The following NALCN variants were observed in gnomAD, a reference collection of about 807,000 sequenced individuals.
The protein encoded by NALCN is sodium leak channel, non-selective.
Under a neutral mutation model 225.3 loss-of-function variants are expected in NALCN, and 111 were observed. The observed-to-expected ratio is 0.49, with a 90% CI of 0.42 to 0.58. The LOEUF (loss-of-function observed/expected upper bound fraction) is 0.58, where lower values mean the gene tolerates loss of function less well. Among genes scored for constraint, NALCN ranks in the 20% least tolerant of loss-of-function variants. NALCN has a pLI of 0.00. For missense variants in NALCN, 1,378 were observed against 2,202.4 expected (o/e 0.63, Z 7.49); for synonymous variants, 764 against 769.0 (o/e 0.99, Z 0.11).
chr13:101,141,460 G>A (rs2037073725), intron 17 of NALCN, among the ~76,000 whole-genome samples: 1 of 152,134 alleles, frequency 6.6e-6, no homozygotes, highest in Non-Finnish European at 1.5e-5. Flanking sequence ...CTAGATGGCT[G>A]AAGGAAAATC....
At position 101,101,281 on chromosome 13, in the gene NALCN, C is replaced by CTTTTTTTTTT. The variant is rs60948311; in HGVS notation, c.3058-403_3058-394dup. 2.4e-4 allele frequency among the ~76,000 whole-genome samples: 27 copies of CTTTTTTTTTT among 112,366 alleles called. 1 individual carries two copies. The highest frequency in any genetic ancestry group is 2.9e-4 in the Non-Finnish European group (17 of 58,926). The allele number at this position is 112,366 out of a possible 152,430, so 73.7% of individuals were successfully genotyped here. ...GACATATATATATTTATTTTTTTTT[C>CTTTTTTTTTT]TTTTTTTTTTTTTTTTTGAGATGGA... On this transcript the variant is annotated intron_variant, in intron 26 of 43. Transcript: ENST00000251127.
At chr13:101,416,787 C>G (rs1043408682), upstream of NALCN, among the ~76,000 whole-genome samples, 2 of 151,048 alleles carry the variant, frequency 1.3e-5, no homozygotes, top group Non-Finnish European at 3.0e-5. Context: ...CTTTCGTACT[C>G]AACAGCACGG....
chr13:101,262,468 A>G (rs1311781504), intron 10 of NALCN, among the ~76,000 whole-genome samples: 3 of 152,108 alleles, frequency 2.0e-5, no homozygotes, highest in Non-Finnish European at 4.4e-5. Flanking sequence ...AGCACAAACA[A>G]CACACCACTG....
Position 101,413,400 on chromosome 13 carries a change from T to C in NALCN, c.-40+2913A>G, listed in dbSNP as rs1257644784. ...TACATTATAACTATCAGGACACTGT[T>C]TATAATGATGAAAAACTGGAAACAG... On this transcript the variant is annotated intron_variant, in intron 1 of 43. Transcript: ENST00000251127. Among the ~76,000 whole-genome samples, 12 of 152,206 alleles carry C rather than the reference T, an allele frequency of 7.9e-5. No homozygotes were observed. The Middle Eastern group carries it at 0.024, about 302-fold the overall frequency.
intron 17 of NALCN, among the ~76,000 whole-genome samples, chr13:101,138,210 A>T (rs2036899718): frequency 6.6e-6 from 1 of 152,208 alleles, no homozygotes; most frequent in South Asian, 2.1e-4. Flanking sequence ...CATCTTGCTC[A>T]CTGTTGAATT....
chr13:101,176,273 A>T (rs747462529), intron 15 of NALCN, 27 bp downstream of exon 15: 61 of 1,465,924 alleles, frequency 4.2e-5, no homozygotes, highest in Middle Eastern at 3.6e-4. Flanking sequence ...TGTCCTTTTT[A>T]AAAAAAATCC....
chr13:101,307,743 T>C (rs1277524375), intron 7 of NALCN, among the ~76,000 whole-genome samples: 1 of 152,146 alleles, frequency 6.6e-6, no homozygotes, highest in East Asian at 1.9e-4. Context: ...CTTCTGTGCT[T>C]TTGCTTGGGT....
intron 7 of NALCN, among the ~76,000 whole-genome samples, chr13:101,322,499 T>C (rs1456430456): frequency 2.6e-5 from 4 of 152,198 alleles, no homozygotes; most frequent in Non-Finnish European, 4.4e-5. Flanking sequence ...AATTCAATAT[T>C]TTTAAACAGA....
intron 36 of NALCN, among the ~76,000 whole-genome samples, chr13:101,074,008 G>A (rs562425866): frequency 2.0e-4 from 31 of 151,742 alleles, no homozygotes; most frequent in Non-Finnish European, 4.0e-4. Context: ...CCTACAACTT[G>A]ACATATCGGT....
chr13:101,083,181 C>T lies in NALCN; in HGVS notation c.3601G>A (p.Ala1201Thr). 1.2e-6 allele frequency: 2 copies of T among 1,614,026 alleles called. No individual in the cohort carries two copies. The highest frequency in any genetic ancestry group is 1.7e-6 in the Non-Finnish European group (2 of 1,179,928). The part of the protein sequence containing the change: ...PPRPDNDGFR[A>T]KMYDITQHPF... ...TGCTGGGTTATGTCATACATTTTAG[C>T]TCTAAAACCATCATTATCTAGAAAA... The change falls in exon 32 of 44, where the codon GCT becomes ACT. Residue 1201 changes from alanine (A) to threonine (T), a missense_variant. Ala to Thr is a moderately conservative substitution (Grantham distance 58). This residue lies in a region of NALCN where 98 missense variants were observed against 156.6 expected (regional missense o/e 0.63). Coordinates refer to ENST00000251127, the MANE Select transcript of NALCN (RefSeq NM_052867.4).
At chr13:101,196,896 G>C (rs963336497) in intron 13 of NALCN, among the ~76,000 whole-genome samples, 1 of 152,018 alleles carries the variant, frequency 6.6e-6, no homozygotes, top group Non-Finnish European at 1.5e-5. Context: ...TGGGGCTTTC[G>C]ACACCCCTCT....
intron 13 of NALCN, among the ~76,000 whole-genome samples, chr13:101,206,507 CGTGT>C (rs575295851): frequency 2.0e-5 from 3 of 151,482 alleles, no homozygotes; most frequent in Admixed American, 6.6e-5. Context: ...CTAGCATGTC[CGTGT>C]GTGTGTGTAT....
chr13:101,065,606 G>A (rs757053753), intron 39 of NALCN, 45 bp from the exon 40 acceptor site: 194 of 1,582,520 alleles, frequency 1.2e-4, no homozygotes, highest in Non-Finnish European at 1.6e-4. Flanking sequence ...AGGCCTCGAT[G>A]ATTCACTTGG....
At chr13:101,346,711 G>C (rs2139305985) in intron 6 of NALCN, among the ~76,000 whole-genome samples, 1 of 152,208 alleles carries the variant, frequency 6.6e-6, no homozygotes, top group African/African-American at 2.4e-5. Flanking sequence ...ATATGTAATG[G>C]CTTTCCTGAC....
chr13:101,351,138 T>G (rs749601412), intron 6 of NALCN, among the ~76,000 whole-genome samples: 41 of 152,206 alleles, frequency 2.7e-4, no homozygotes, highest in Non-Finnish European at 5.1e-4. Flanking sequence ...TGAATGTGTC[T>G]TTCTACCATT....
chr13:101,068,030 A>C lies in NALCN; in HGVS notation c.4334T>G (p.Ile1445Arg). The C allele has an allele frequency of 6.3e-7, 1 of 1,587,758 alleles. No individual in the cohort carries two copies. The highest frequency in any genetic ancestry group is 1.4e-5 in the African/African-American group (1 of 73,404). ...AAACAAGGAGAAATTCTCCACAATT[A>C]TGGCTTTTAAAAAAAGAAAAATTCA... ...AYIMLNLLVA[I>R]IVENFSLFYS... The change falls in exon 39 of 44, where the codon ATA becomes AGA. Residue 1445 changes from isoleucine to arginine, a missense_variant. Physicochemically the swap from Ile to Arg is moderately conservative, Grantham distance 97 (BLOSUM62 -3). Around this residue, in one of 19 missense-constraint regions of NALCN, gnomAD observed 16 missense variants for 66.7 expected, o/e 0.24. Transcript: ENST00000251127.
At position 101,103,263 on chromosome 13, in the gene NALCN, C is replaced by T. The variant is rs756904207; in HGVS notation, c.2966G>A (p.Arg989Gln). ...GAATATGCGCAGAGGTCTCAGGCAC[C>T]GAAGGACCATTAGAAGCTGAGCTCC... ...ESGAQLLMVL[R>Q]CLRPLRIFKL... The change falls in exon 26 of 44, where the codon CGG becomes CAG. Residue 989 changes from arginine (R) to glutamine (Q), a missense_variant. Physicochemically the swap from Arg to Gln is conservative, Grantham distance 43. This residue lies in a region of NALCN where 292 missense variants were observed against 409.5 expected (regional missense o/e 0.71). Coordinates refer to ENST00000251127, the MANE Select transcript of NALCN (RefSeq NM_052867.4). 3.7e-6 allele frequency: 6 copies of T among 1,613,790 alleles called. No homozygotes were observed. The highest frequency in any genetic ancestry group is 1.1e-5 in the South Asian group (1 of 91,072).
At chr13:101,207,242 C>T (rs2040347980) in intron 13 of NALCN, among the ~76,000 whole-genome samples, 1 of 152,188 alleles carries the variant, frequency 6.6e-6, no homozygotes, top group South Asian at 2.1e-4. Flanking sequence ...AGTATCTGTG[C>T]TTCCTTGCCA....
At chr13:101,113,772 T>A (rs761945741) in intron 18 of NALCN, among the ~76,000 whole-genome samples, 18 of 152,216 alleles carry the variant, frequency 1.2e-4, no homozygotes, top group Non-Finnish European at 2.5e-4. Context: ...AAAAAAAGAC[T>A]TGTTTTATAC....
Sources: gnomAD v4.1 joint callset for allele counts (sites outside exome capture counted in the v4.1 genomes callset) on GRCh38, gnomAD v4.1.1 for gene constraint, gnomAD v4.1.1 regional missense constraint, MANE v1.5 for transcripts, NCBI Gene and HGNC (gene_info 2026-07-23, HGNC 2026-07-21) for gene names.